The following LRFN5 variants were observed in gnomAD, a reference collection of about 807,000 sequenced individuals.
LRFN5 encodes the protein leucine-rich repeat and fibronectin type-III domain-containing protein 5.
LRFN5 carries 24 observed loss-of-function variants against 45.6 expected under a neutral mutation model. That is an observed-to-expected ratio of 0.53 (90% CI 0.38 to 0.74). The LOEUF is 0.74. Ranked by LOEUF, LRFN5 falls within the 30% of genes least tolerant of loss-of-function variation. LRFN5 has a pLI of 0.00. For synonymous variants in LRFN5, 340 were observed against 313.8 expected (o/e 1.08, Z -0.88); for missense variants, 776 against 861.5 (o/e 0.90, Z 1.24).
chr14:41,715,395 T>G (rs1310306574), intron 1 of LRFN5, among the ~76,000 whole-genome samples: 1 of 152,232 alleles, frequency 6.6e-6, no homozygotes, highest in African/African-American at 2.4e-5. Context: ...ATGTAGAACA[T>G]TCTATGGTTC....
chr14:41,651,877 A>G (rs929234697), intron 1 of LRFN5, among the ~76,000 whole-genome samples: 2 of 152,124 alleles, frequency 1.3e-5, no homozygotes, highest in Non-Finnish European at 2.9e-5. Flanking sequence ...GTTTCTTCTG[A>G]GGCGTGTTTC....
intron 1 of LRFN5, among the ~76,000 whole-genome samples, chr14:41,621,000 G>A (rs565517599): frequency 1.8e-4 from 28 of 151,884 alleles, no homozygotes; most frequent in Middle Eastern, 3.4e-3. Flanking sequence ...TTTGGAATGT[G>A]GCCATAAAGC....
At chr14:41,839,568 C>T (rs1888788193) in intron 2 of LRFN5, among the ~76,000 whole-genome samples, 1 of 152,056 alleles carries the variant, frequency 6.6e-6, no homozygotes, top group South Asian at 2.1e-4. Context: ...ACAAGCAAGC[C>T]TAGGTATTTT....
At chr14:41,704,442 C>CTGTGTGTGTGTGTGTGTGTGTGTG (rs1190054164) in intron 1 of LRFN5, among the ~76,000 whole-genome samples, 1 of 127,770 alleles carries the variant, frequency 7.8e-6, no homozygotes, top group African/African-American at 3.5e-5. Context: ...CTCTCTCTCT[C>CTGTGTGTGTGTGTGTGTGTGTGTG]TCTCTCTGTG....
chr14:41,685,072 G>A (rs1484491547), intron 1 of LRFN5, among the ~76,000 whole-genome samples: 1 of 152,116 alleles, frequency 6.6e-6, no homozygotes, highest in Non-Finnish European at 1.5e-5. Flanking sequence ...TTAATCACTG[G>A]GGAAATGCAA....
At chr14:41,710,628 T>C in intron 1 of LRFN5, among the ~76,000 whole-genome samples, 1 of 152,252 alleles carries the variant, frequency 6.6e-6, no homozygotes, top group East Asian at 1.9e-4. Flanking sequence ...TTTTAAATTT[T>C]TTAAATTATA....
chr14:41,655,118 C>T (rs1038211383), intron 1 of LRFN5, among the ~76,000 whole-genome samples: 1 of 151,966 alleles, frequency 6.6e-6, no homozygotes, highest in Non-Finnish European at 1.5e-5. Context: ...GTGACCTATA[C>T]TCTTATAGCT....
chr14:41,689,118 AATG>A (rs911108946), intron 1 of LRFN5, among the ~76,000 whole-genome samples: 15 of 151,818 alleles, frequency 9.9e-5, no homozygotes, highest in African/African-American at 3.6e-4. Flanking sequence ...ATAAATAATA[AATG>A]ATGATGATAA....
intron 2 of LRFN5, among the ~76,000 whole-genome samples, chr14:41,789,741 C>G (rs563376098): frequency 4.6e-5 from 7 of 151,956 alleles, no homozygotes; most frequent in African/African-American, 1.7e-4. Flanking sequence ...TTTTAATTTT[C>G]CCATCATTTT....
At chr14:41,858,294 C>T (rs1012072115) in intron 2 of LRFN5, among the ~76,000 whole-genome samples, 3 of 152,252 alleles carry the variant, frequency 2.0e-5, no homozygotes, top group Admixed American at 6.5e-5. Context: ...TTGCCACCTT[C>T]GTGTAAAGGT....
At chr14:41,723,816 C>T (rs1594647198) in intron 1 of LRFN5, among the ~76,000 whole-genome samples, 1 of 152,310 alleles carries the variant, frequency 6.6e-6, no homozygotes, top group East Asian at 1.9e-4. Context: ...ACTCTAGTCT[C>T]TGGCCTGAAA....
chr14:41,779,985 T>C (rs1886424963), intron 2 of LRFN5, among the ~76,000 whole-genome samples: 1 of 151,938 alleles, frequency 6.6e-6, no homozygotes, highest in African/African-American at 2.4e-5. Flanking sequence ...TCTCCTGCTT[T>C]CCTTAGGTTT....
intron 2 of LRFN5, among the ~76,000 whole-genome samples, chr14:41,803,964 G>A (rs748305448): frequency 6.6e-6 from 1 of 152,096 alleles, no homozygotes; most frequent in Non-Finnish European, 1.5e-5. Flanking sequence ...CCCAGGTTCA[G>A]GTGATTCTTG....
intron 1 of LRFN5, among the ~76,000 whole-genome samples, chr14:41,634,376 A>T (rs1888657170): frequency 6.6e-6 from 1 of 152,182 alleles, no homozygotes; most frequent in Non-Finnish European, 1.5e-5. Context: ...TCATCCAGAG[A>T]TAGCCCTCTG....
intron 4 of LRFN5, among the ~76,000 whole-genome samples, chr14:41,897,088 C>CAAAA (rs560889676): frequency 4.2e-5 from 6 of 142,552 alleles, no homozygotes; most frequent in Non-Finnish European, 7.7e-5. Flanking sequence ...GAGACTCTGT[C>CAAAA]AAAATAAATA....
At chr14:41,825,756 T>G (rs999077486) in intron 2 of LRFN5, among the ~76,000 whole-genome samples, 2 of 151,852 alleles carry the variant, frequency 1.3e-5, no homozygotes, top group African/African-American at 4.8e-5. Flanking sequence ...GGGGGGAGGG[T>G]GAGTTACCCT....
At chr14:41,661,839 T>C (rs1880670969) in intron 1 of LRFN5, among the ~76,000 whole-genome samples, 1 of 151,990 alleles carries the variant, frequency 6.6e-6, no homozygotes, top group African/African-American at 2.4e-5. Flanking sequence ...ACAATAAACC[T>C]ATACCAAGAA....
intron 2 of LRFN5, among the ~76,000 whole-genome samples, chr14:41,775,593 T>A (rs1481353920): frequency 6.6e-6 from 1 of 152,178 alleles, no homozygotes; most frequent in Non-Finnish European, 1.5e-5. Context: ...ATTTATGTCT[T>A]GAAGATGTAG....
chr14:41,773,577 GTCTCTT>G (rs1200905708), intron 2 of LRFN5, among the ~76,000 whole-genome samples: 3 of 151,444 alleles, frequency 2.0e-5, no homozygotes, highest in African/African-American at 4.8e-5. Flanking sequence ...CTCTCTCTCT[GTCTCTT>G]TCTCTTTCTC....
Sources: gnomAD v4.1 joint callset for allele counts (sites outside exome capture counted in the v4.1 genomes callset) on GRCh38, gnomAD v4.1.1 for gene constraint, MANE v1.5 for transcripts, NCBI Gene and HGNC (gene_info 2026-07-23, HGNC 2026-07-21) for gene names.